HEMK2: variants seen among roughly 807,000 people sequenced by gnomAD.
HEMK2 encodes the protein methyltransferase HEMK2.
chr21:28,656,661 G>A, the HEMK2 span, among the ~76,000 whole-genome samples: 3 of 152,004 alleles, frequency 2.0e-5, no homozygotes, highest in East Asian at 1.9e-4. Flanking sequence ...CTAAACTAAT[G>A]CAACCTATCA....
At chr21:28,591,935 T>A in the HEMK2 span, among the ~76,000 whole-genome samples, 1 of 152,348 alleles carries the variant, frequency 6.6e-6, no homozygotes, top group East Asian at 1.9e-4. Context: ...TCACATTTTC[T>A]TTATCCAGTC....
At chr21:28,595,527 T>C in the HEMK2 span, among the ~76,000 whole-genome samples, 1 of 152,218 alleles carries the variant, frequency 6.6e-6, no homozygotes, top group Non-Finnish European at 1.5e-5. Flanking sequence ...TTTTTATAGC[T>C]AAATAGTACT....
the HEMK2 span, among the ~76,000 whole-genome samples, chr21:28,749,938 A>G: frequency 6.6e-6 from 1 of 152,244 alleles, no homozygotes; most frequent in Non-Finnish European, 1.5e-5. Flanking sequence ...CAAAACCACT[A>G]GTTGAAAAAT....
chr21:28,651,599 T>A, the HEMK2 span, among the ~76,000 whole-genome samples: 1 of 152,194 alleles, frequency 6.6e-6, no homozygotes, highest in African/African-American at 2.4e-5. Context: ...ATGATTTCAT[T>A]TTTGTCTCCT....
At chr21:28,878,180 G>C in the HEMK2 span, 1 of 1,523,992 alleles carries the variant, frequency 6.6e-7, no homozygotes, top group Non-Finnish European at 8.8e-7. Flanking sequence ...ACAATAAATT[G>C]GTCTGTATTA....
At chr21:28,839,394 T>C in the HEMK2 span, among the ~76,000 whole-genome samples, 2 of 151,898 alleles carry the variant, frequency 1.3e-5, no homozygotes, top group Non-Finnish European at 2.9e-5. Flanking sequence ...GAGAAAGAAA[T>C]AAAGCGCATT....
the HEMK2 span, among the ~76,000 whole-genome samples, chr21:28,781,457 C>T: frequency 8.2e-6 from 1 of 121,728 alleles, no homozygotes; most frequent in Non-Finnish European, 1.7e-5. Context: ...TCCCCAAGAT[C>T]ACCCTCAGGC....
At chr21:28,617,317 A>G in the HEMK2 span, among the ~76,000 whole-genome samples, 2 of 152,346 alleles carry the variant, frequency 1.3e-5, no homozygotes, top group African/African-American at 4.8e-5. Flanking sequence ...AGAACAGTGC[A>G]AAATGAGACT....
the HEMK2 span, among the ~76,000 whole-genome samples, chr21:28,850,766 T>C: frequency 7.2e-5 from 11 of 152,224 alleles, no homozygotes; most frequent in Admixed American, 1.3e-4. Flanking sequence ...ACAGAACTAA[T>C]AGGATAGATG....
At chr21:28,883,707 G>T in the HEMK2 span, among the ~76,000 whole-genome samples, 1 of 151,884 alleles carries the variant, frequency 6.6e-6, no homozygotes, top group Admixed American at 6.6e-5. Context: ...TTATTTTCTT[G>T]CCTATAATCT....
the HEMK2 span, among the ~76,000 whole-genome samples, chr21:28,674,086 A>C: frequency 6.6e-6 from 1 of 152,178 alleles, no homozygotes; most frequent in Non-Finnish European, 1.5e-5. Flanking sequence ...GCTGCAGTAA[A>C]GAAGCCGGCC....
chr21:28,627,532 C>T, the HEMK2 span, among the ~76,000 whole-genome samples: 4 of 152,088 alleles, frequency 2.6e-5, no homozygotes, highest in Non-Finnish European at 4.4e-5. Context: ...TATTTGTAAG[C>T]GCTCTTCCAT....
the HEMK2 span, among the ~76,000 whole-genome samples, chr21:28,760,256 T>C: frequency 6.0e-4 from 92 of 152,338 alleles, no homozygotes; most frequent in South Asian, 0.018. Context: ...CTTTGCAGCA[T>C]ATTTCTAGAG....
the HEMK2 span, among the ~76,000 whole-genome samples, chr21:28,877,060 GA>G: frequency 4.0e-5 from 1 of 25,164 alleles, no homozygotes; most frequent in East Asian, 9.6e-4. Context: ...GGGAGGGAGG[GA>G]AGGAGGGAGG....
chr21:28,752,910 C>T, the HEMK2 span, among the ~76,000 whole-genome samples: 7 of 152,210 alleles, frequency 4.6e-5, no homozygotes, highest in African/African-American at 9.7e-5. Flanking sequence ...CAGGTATCAA[C>T]GGATGGCCTG....
chr21:28,770,863 C>G, the HEMK2 span, among the ~76,000 whole-genome samples: 1 of 152,112 alleles, frequency 6.6e-6, no homozygotes, highest in Non-Finnish European at 1.5e-5. Flanking sequence ...ACACACTGAG[C>G]ACCTAGATCA....
the HEMK2 span, among the ~76,000 whole-genome samples, chr21:28,835,309 G>A: frequency 3.1e-4 from 47 of 152,250 alleles, no homozygotes; most frequent in African/African-American, 1.0e-3. Flanking sequence ...GATGGTTCAC[G>A]TAACAGGACA....
At chr21:28,865,574 G>A in the HEMK2 span, among the ~76,000 whole-genome samples, 3 of 152,204 alleles carry the variant, frequency 2.0e-5, no homozygotes, top group African/African-American at 4.8e-5. Flanking sequence ...AGCACTGAAT[G>A]CTGTTTCCTG....
At chr21:28,642,370 G>A in the HEMK2 span, among the ~76,000 whole-genome samples, 10 of 152,204 alleles carry the variant, frequency 6.6e-5, no homozygotes, top group Non-Finnish European at 1.2e-4. Flanking sequence ...GAGGGAGCGT[G>A]CAAGCAAGTA....
Sources: allele counts gnomAD v4.1 joint callset (sites outside exome capture counted in the v4.1 genomes callset), GRCh38; gene constraint gnomAD v4.1.1; transcripts MANE v1.5; gene names NCBI Gene and HGNC (gene_info 2026-07-23, HGNC 2026-07-21).